Variants in TBC1D24 observed in about 807,000 individuals in gnomAD.
TBC1D24 encodes Infantile myoclonic epilepsy.
TBC1D24 carries 47 observed loss-of-function variants against 50.7 expected under a neutral mutation model. That is an observed-to-expected ratio of 0.93 (90% CI 0.73 to 1.18). The LOEUF (loss-of-function observed/expected upper bound fraction) is 1.18. TBC1D24 is among the 50% of genes most tolerant of loss of function. TBC1D24 has a pLI of 0.00. For synonymous variants in TBC1D24, 324 were observed against 335.2 expected, an observed-to-expected ratio of 0.97 and a Z score of 0.36; for missense variants, 688 against 766.5, an observed-to-expected ratio of 0.90 and a Z score of 1.21.
At chr16:2,480,735 C>T (rs1360920645) in intron 1 of TBC1D24, 1 of 152,260 alleles carries the variant, frequency 6.6e-6, no homozygotes, top group Non-Finnish European at 1.5e-5. Context: ...TCCTTCTAGC[C>T]TTGCTACCTT....
At chr16:2,488,556 G>T (rs928267012) in intron 1 of TBC1D24, among the ~76,000 whole-genome samples, 5 of 136,234 alleles carry the variant, frequency 3.7e-5, no homozygotes, top group Admixed American at 2.3e-4. Flanking sequence ...CCAGGCTGGA[G>T]TGCAGTGTGC....
rs1484056240 is a variant in TBC1D24, at chr16:2,500,336, C to T, written c.1371C>T (p.Pro457=). The T allele has an allele frequency of 6.2e-7, 1 of 1,611,264 alleles. No individual in the cohort carries two copies. The highest frequency in any genetic ancestry group is 8.5e-7 in the Non-Finnish European group (1 of 1,179,318). ...ACCCCGAGCTGACCAAGCCCCCACC[C>T]TTGATGGCTGCCGAGCCCACCGCCC... ...IKHPELTKPP[P]LMAAEPTAPL... is the part of the protein sequence containing the mutation. The change falls in exon 7 of 8, where the codon CCC becomes CCT. Residue 457 remains proline, a synonymous_variant. Transcript: ENST00000646147. The surrounding 1 kb of genome is among the most constrained non-coding windows in gnomAD (Gnocchi z 8.0).
intron 1 of TBC1D24, among the ~76,000 whole-genome samples, chr16:2,476,290 C>T (rs1183356078): frequency 3.3e-5 from 5 of 152,240 alleles, no homozygotes; most frequent in Admixed American, 1.3e-4. Flanking sequence ...CGTGGCGTTT[C>T]CTCCGCCCGA....
rs1165918189 is a variant in TBC1D24, at chr16:2,499,837, G to A, written c.1209G>A (p.Val403=). 2 of 1,613,962 alleles carry A rather than the reference G, an allele frequency of 1.2e-6. No homozygotes were observed. Among genetic ancestry groups the A allele is most frequent in the Admixed American group, 3.3e-5 (2 of 60,034 alleles). ...CCTCACCCAGACCTTTCCCCCAGGTGTGTGGTGCTTACCTGTCCACAGACT... is the reference window on the plus strand; with the variant it reads ...CCTCACCCAGACCTTTCCCCCAGGTATGTGGTGCTTACCTGTCCACAGACT... ...LLLIKTTQKE[V]CGAYLSTDWS... Residue 403 remains valine (V), a splice_region_variant and synonymous_variant, in exon 6 of 8, where the codon GTG becomes GTA. Transcript: ENST00000646147. This position sits in a 1 kb window ranked among gnomAD's most constrained non-coding sequence, Gnocchi z 4.0.
At position 2,500,047 on chromosome 16, in the gene TBC1D24, C is replaced by A; in HGVS notation, c.1302+117C>A. ...TGTCGCCATGGCAGTCACCCAGCAG[C>A]GTCATCGCCCTGTGTGCTTCCGGGT... On this transcript the variant is annotated intron_variant, in intron 6 of 7. Transcript: ENST00000646147. This position sits in a 1 kb window ranked among gnomAD's most constrained non-coding sequence, Gnocchi z 8.0. 2 of 1,031,128 alleles carry A rather than the reference C, an allele frequency of 1.9e-6. No individual in the cohort carries two copies. The highest frequency in any genetic ancestry group is 1.5e-6 in the Non-Finnish European group (1 of 654,490). 63.9% of individuals were successfully genotyped at this position (1,031,128 alleles called of 1,614,324 possible). A position where few individuals can be genotyped will look rare whatever the true frequency, so the allele number is the denominator to read the frequency against.
At position 2,496,634 on chromosome 16, in the gene TBC1D24, T is replaced by A. The variant is rs886051845; in HGVS notation, c.486T>A (p.Asn162Lys). Residue 162 changes from asparagine (N) to lysine (K), a missense_variant, in exon 2 of 8, where the codon AAT becomes AAA. Physicochemically the swap from Asn to Lys is moderately conservative, Grantham distance 94. Coordinates refer to ENST00000646147, the MANE Select transcript of TBC1D24 (RefSeq NM_001199107.2). Reference sequence around the variant, plus strand: ...AGGCCTGCCGCATCCTGGCCTGCAATGACCCCGGCAGGAGGCTGATCGACC... The same window carrying A: ...AGGCCTGCCGCATCCTGGCCTGCAAAGACCCCGGCAGGAGGCTGATCGACC... ...FEKACRILAC[N>K]DPGRRLIDQS... 1.5e-5 allele frequency: 24 copies of A among 1,612,176 alleles called. No individual in the cohort carries two copies. Among genetic ancestry groups the A allele is most frequent in the Non-Finnish European group, 1.9e-5 (22 of 1,180,038 alleles).
At chr16:2,498,141 T>C in intron 3 of TBC1D24, 97 bp from the exon 4 acceptor site, 2 of 1,481,022 alleles carry the variant, frequency 1.4e-6, no homozygotes, top group Non-Finnish European at 1.8e-6. Context: ...AAGTTCCCTC[T>C]GGGTTTACTT....
chr16:2,492,962 C>T (rs2065707638), intron 1 of TBC1D24, among the ~76,000 whole-genome samples: 1 of 151,854 alleles, frequency 6.6e-6, no homozygotes, highest in Non-Finnish European at 1.5e-5. Flanking sequence ...CGTGGTGGCA[C>T]ATGCCTGTAA....
At position 2,475,192 on chromosome 16, in the gene TBC1D24, G is replaced by C. The variant is rs1189324230; in HGVS notation, c.-116+22G>C. The C allele has an allele frequency of 1.3e-5, 2 of 149,308 alleles. No individual in the cohort carries two copies. The highest frequency in any genetic ancestry group is 3.0e-5 in the Non-Finnish European group (2 of 66,654). 9.2% of individuals were successfully genotyped at this position (149,308 alleles called of 1,614,324 possible). ...GGAGGTGGGTGCGCTCGGGGCGTGCGGGGGGCGCGCGGCGGGGTGGCGGGT... is the reference window on the plus strand; with the variant it reads ...GGAGGTGGGTGCGCTCGGGGCGTGCCGGGGGCGCGCGGCGGGGTGGCGGGT... On this transcript the variant is annotated intron_variant, in intron 1 of 7. Coordinates refer to ENST00000646147, the MANE Select transcript of TBC1D24 (RefSeq NM_001199107.2). The surrounding 1 kb of genome is among the most constrained non-coding windows in gnomAD (Gnocchi z 4.2).
intron 1 of TBC1D24, chr16:2,479,570 C>T (rs2065594686): frequency 6.6e-6 from 1 of 152,312 alleles, no homozygotes; most frequent in South Asian, 2.1e-4. Context: ...CCCCTGAGTC[C>T]TCCACCTGAG....
At chr16:2,492,645 C>T (rs997965952) in intron 1 of TBC1D24, among the ~76,000 whole-genome samples, 1 of 152,142 alleles carries the variant, frequency 6.6e-6, no homozygotes, top group Admixed American at 6.5e-5. Flanking sequence ...CGTGGCTGTG[C>T]GCATGTGAGT....
Position 2,482,223 on chromosome 16 carries a change from C to G in TBC1D24, c.-116+7053C>G, listed in dbSNP as rs200237294. On this transcript the variant is annotated intron_variant, in intron 1 of 7. Coordinates refer to ENST00000646147, the MANE Select transcript of TBC1D24 (RefSeq NM_001199107.2). The surrounding 1 kb of genome is among the most constrained non-coding windows in gnomAD (Gnocchi z 5.2). ...CTGCCTGTTTTCTTCTCTGTTCCCT[C>G]CTTCCCAGGGTACACTGGACATAGT... 2.0e-5 allele frequency: 3 copies of G among 152,328 alleles called. No homozygotes were observed. The highest frequency in any genetic ancestry group is 2.9e-5 in the Non-Finnish European group (2 of 68,072). 9.4% of individuals were successfully genotyped at this position (152,328 alleles called of 1,614,324 possible). A position where few individuals can be genotyped will look rare whatever the true frequency, so the allele number is the denominator to read the frequency against.
Position 2,496,414 on chromosome 16 carries a change from G to A in TBC1D24, c.266G>A (p.Cys89Tyr). 6.2e-7 allele frequency: 1 copy of A among 1,612,974 alleles called. No individual in the cohort carries two copies. Among genetic ancestry groups the A allele is most frequent in the East Asian group, 2.2e-5 (1 of 44,888 alleles). The change falls in exon 2 of 8, where the codon TGC becomes TAC. Residue 89 changes from cysteine (C) to tyrosine (Y), a missense_variant. Physicochemically the swap from Cys to Tyr is radical, Grantham distance 194 (BLOSUM62 -2). Transcript: ENST00000646147. ...GKIVGKHSSS[C>Y]LPLPEFVDNT... ...ATCGTGGGCAAGCACAGCAGCAGCT[G>A]CCTGCCGCTGCCCGAGTTCGTGGAC...
chr16:2,487,589 G>A lies in TBC1D24; in HGVS notation c.-115-8445G>A, dbSNP rs1316625994. Among the ~76,000 whole-genome samples, 1 of 152,256 alleles carries A rather than the reference G, an allele frequency of 6.6e-6. No individual in the cohort carries two copies. Among genetic ancestry groups the A allele is most frequent in the Non-Finnish European group, 1.5e-5 (1 of 68,048 alleles). On this transcript the variant is annotated intron_variant, in intron 1 of 7. Coordinates refer to ENST00000646147, the MANE Select transcript of TBC1D24 (RefSeq NM_001199107.2). This position sits in a 1 kb window ranked among gnomAD's most constrained non-coding sequence, Gnocchi z 4.1. ...AGAGGCCTCGTGACTCAGGCTGTCA[G>A]GCCTGGAGTTTGGTGCTGGAGTTTT...
chr16:2,485,945 C>T lies in TBC1D24; in HGVS notation c.-115-10089C>T, dbSNP rs925573268. On this transcript the variant is annotated intron_variant, in intron 1 of 7. Transcript: ENST00000646147. This position sits in a 1 kb window ranked among gnomAD's most constrained non-coding sequence, Gnocchi z 4.6. ...GCTGCTGCCTGTGCCCCAGGGTTTC[C>T]GGGCACTCCGAGCTTCCCTGGCAGG... Among the ~76,000 whole-genome samples, 3 of 152,184 alleles carry T rather than the reference C, an allele frequency of 2.0e-5. No homozygotes were observed. The highest frequency in any genetic ancestry group is 2.9e-5 in the Non-Finnish European group (2 of 68,022).
At chr16:2,478,276 A>G (rs2065584123) in intron 1 of TBC1D24, 1 of 152,210 alleles carries the variant, frequency 6.6e-6, no homozygotes, top group African/African-American at 2.4e-5. Flanking sequence ...TGATTGTTCC[A>G]CTGCACTCCA....
At chr16:2,489,224 G>T (rs1410962459) in intron 1 of TBC1D24, among the ~76,000 whole-genome samples, 1 of 151,936 alleles carries the variant, frequency 6.6e-6, no homozygotes, top group Non-Finnish European at 1.5e-5. Context: ...GAGGTCAGGA[G>T]TTCGAGATCA....
chr16:2,501,324 A>T lies in TBC1D24; in HGVS notation c.*366A>T, dbSNP rs375446781. ...AGGCAGCCTGAGCCCCTGGGGTGGG[A>T]GTACAACGGCAGTGGGAACGTGCAG... On this transcript the variant is annotated 3_prime_UTR_variant, in exon 8 of 8. Transcript: ENST00000646147. 23 of 309,218 alleles carry T rather than the reference A, an allele frequency of 7.4e-5. No individual in the cohort carries two copies. In the East Asian group the frequency reaches 1.5e-3, roughly 20 times the overall value. The allele number at this position is 309,218 out of a possible 1,614,324, so 19.2% of individuals were successfully genotyped here.
In TBC1D24 at chr16:2,487,017, C is replaced by T. The variant is rs1278814091; in HGVS notation, c.-115-9017C>T. 6.6e-6 allele frequency among the ~76,000 whole-genome samples: 1 copy of T among 152,222 alleles called. No homozygotes were observed. The highest frequency in any genetic ancestry group is 1.5e-5 in the Non-Finnish European group (1 of 68,040). Reference sequence around the variant, plus strand: ...GCCACCAGGGGGATTTTTGTAAACGCAGATCTGATCGGGTCACCTGCCTAG... The same window carrying T: ...GCCACCAGGGGGATTTTTGTAAACGTAGATCTGATCGGGTCACCTGCCTAG... On this transcript the variant is annotated intron_variant, in intron 1 of 7. Coordinates refer to ENST00000646147, the MANE Select transcript of TBC1D24 (RefSeq NM_001199107.2). The surrounding 1 kb of genome is among the most constrained non-coding windows in gnomAD (Gnocchi z 4.1).
Sources: gnomAD v4.1 joint callset for allele counts (sites outside exome capture counted in the v4.1 genomes callset) on GRCh38, gnomAD v4.1.1 for gene constraint, Gnocchi (gnomAD v3.1) non-coding constraint, MANE v1.5 for transcripts, NCBI Gene and HGNC (gene_info 2026-07-23, HGNC 2026-07-21) for gene names.